The following GRAMD2B variants were observed in gnomAD, a reference collection of about 807,000 sequenced individuals.
GRAMD2B encodes GRAM domain-containing protein 2B.
Under a neutral mutation model 59.2 loss-of-function variants are expected in GRAMD2B, and 41 were observed. The ratio of observed to expected loss-of-function variants is 0.69; its 90% CI spans 0.54 to 0.90. The LOEUF (loss-of-function observed/expected upper bound fraction) is 0.90, where lower values mean the gene tolerates loss of function less well. GRAMD2B is among the 40% of genes least tolerant of loss of function. The pLI, the probability that GRAMD2B is intolerant of heterozygous loss-of-function variation, is 0.00. For synonymous variants in GRAMD2B, 161 were observed against 182.7 expected (o/e 0.88, Z 0.96); for missense variants, 424 against 500.5 (o/e 0.85, Z 1.46).
intron 1 of GRAMD2B, among the ~76,000 whole-genome samples, chr5:126,439,545 T>G (rs147763547): frequency 6.6e-6 from 1 of 152,170 alleles, no homozygotes; most frequent in African/African-American, 2.4e-5. Context: ...AGGCTGATCT[T>G]GAACTCCTGA....
chr5:126,457,706 G>T (rs1330303630), intron 1 of GRAMD2B, among the ~76,000 whole-genome samples: 2 of 152,048 alleles, frequency 1.3e-5, no homozygotes, highest in African/African-American at 4.8e-5. Context: ...GAGTCACTTG[G>T]CTAACTGGGG....
upstream of GRAMD2B, among the ~76,000 whole-genome samples, chr5:126,422,199 ATTT>A (rs11293263): frequency 2.1e-5 from 3 of 143,980 alleles, no homozygotes; most frequent in African/African-American, 2.6e-5. Flanking sequence ...TTATGCACGG[ATTT>A]TTTTTTTTTT....
chr5:126,402,824 A>G (rs539397682), intron 1 of GRAMD2B, among the ~76,000 whole-genome samples: 2 of 152,160 alleles, frequency 1.3e-5, no homozygotes, highest in South Asian at 4.1e-4. Flanking sequence ...ATCCAAAAAT[A>G]TCTCTGAACT....
chr5:126,468,494 C>G (rs1768888766), intron 2 of GRAMD2B, among the ~76,000 whole-genome samples: 1 of 151,832 alleles, frequency 6.6e-6, no homozygotes, highest in Non-Finnish European at 1.5e-5. Context: ...TTTAATTTAA[C>G]TTTATTTTTT....
At chr5:126,403,197 A>G (rs981162769) in intron 1 of GRAMD2B, among the ~76,000 whole-genome samples, 9 of 151,912 alleles carry the variant, frequency 5.9e-5, no homozygotes, top group African/African-American at 2.2e-4. Context: ...TTGGGATAAG[A>G]AGTACCTTCT....
chr5:126,375,010 T>G (rs1755057505), intron 1 of GRAMD2B, among the ~76,000 whole-genome samples: 1 of 152,208 alleles, frequency 6.6e-6, no homozygotes, highest in African/African-American at 2.4e-5. Context: ...AAATTCAACA[T>G]CTTTACGATG....
At chr5:126,412,172 A>G (rs1758864506) in intron 1 of GRAMD2B, among the ~76,000 whole-genome samples, 1 of 151,934 alleles carries the variant, frequency 6.6e-6, no homozygotes, top group Non-Finnish European at 1.5e-5. Flanking sequence ...GACACTGAGA[A>G]TCCTTGTTTG....
At chr5:126,417,674 A>G (rs1436573952) in intron 1 of GRAMD2B, among the ~76,000 whole-genome samples, 14 of 152,246 alleles carry the variant, frequency 9.2e-5, no homozygotes, top group Admixed American at 9.2e-4. Context: ...ACACCAACAG[A>G]TAACTGCAAA....
At chr5:126,420,374 G>A (rs1353158519), upstream of GRAMD2B, among the ~76,000 whole-genome samples, 3 of 152,120 alleles carry the variant, frequency 2.0e-5, no homozygotes, top group African/African-American at 7.2e-5. Flanking sequence ...TTAGGCAGTT[G>A]TTTAACAATG....
intron 8 of GRAMD2B, among the ~76,000 whole-genome samples, chr5:126,481,236 AAAGAAAG>A (rs1344756496): frequency 2.4e-5 from 2 of 82,698 alleles, no homozygotes; most frequent in Non-Finnish European, 5.8e-5. Context: ...AGAAAGAAAG[AAAGAAAG>A]AAAGAAAAGA....
chr5:126,486,807 G>A, intron 11 of GRAMD2B, 66 bp from the exon 12 acceptor site: 1 of 959,294 alleles, frequency 1.0e-6, no homozygotes, highest in Admixed American at 1.8e-5. Context: ...TTGGCACTGA[G>A]TTGTTTTATG....
intron 13 of GRAMD2B, among the ~76,000 whole-genome samples, 162 bp from the exon 14 acceptor site, chr5:126,492,753 T>C (rs916571647): frequency 6.6e-6 from 1 of 152,132 alleles, no homozygotes; most frequent in Non-Finnish European, 1.5e-5. Flanking sequence ...GTCAGAGTTC[T>C]AGTCTATGAA....
intron 4 of GRAMD2B, among the ~76,000 whole-genome samples, chr5:126,472,858 C>G (rs148149370): frequency 6.6e-6 from 1 of 152,140 alleles, no homozygotes. Flanking sequence ...GACCTTCAAA[C>G]AGGAGGTGTG....
intron 8 of GRAMD2B, among the ~76,000 whole-genome samples, chr5:126,482,301 A>G (rs773540533): frequency 2.0e-5 from 3 of 152,198 alleles, no homozygotes; most frequent in Admixed American, 6.5e-5. Context: ...TGAATTGTAT[A>G]CTTTTAAATG....
chr5:126,462,321 G>A, intron 1 of GRAMD2B: 2 of 660,828 alleles, frequency 3.0e-6, no homozygotes, highest in Non-Finnish European at 3.7e-6. Context: ...TAACTTAAAA[G>A]TTTCCAAAAG....
chr5:126,459,055 C>T (rs1766864590), intron 1 of GRAMD2B: 1 of 152,140 alleles, frequency 6.6e-6, no homozygotes, highest in African/African-American at 2.4e-5. Flanking sequence ...TTCTTTTGTA[C>T]ATATTCATTT....
chr5:126,459,085 G>A (rs1451626959), intron 1 of GRAMD2B: 1 of 152,154 alleles, frequency 6.6e-6, no homozygotes, highest in Non-Finnish European at 1.5e-5. Flanking sequence ...TAGAAAGAAA[G>A]GAGAAGCAAA....
At chr5:126,484,931 C>A (rs918035123) in intron 10 of GRAMD2B, among the ~76,000 whole-genome samples, 2 of 152,142 alleles carry the variant, frequency 1.3e-5, no homozygotes, top group African/African-American at 4.8e-5. Flanking sequence ...TATTCCCTTT[C>A]CTCCCTTTGT....
intron 1 of GRAMD2B, among the ~76,000 whole-genome samples, chr5:126,398,588 A>G (rs1213050273): frequency 1.3e-5 from 2 of 151,674 alleles, no homozygotes; most frequent in African/African-American, 2.4e-5. Flanking sequence ...TTTTTTCTCT[A>G]TTTGATTTAC....
Sources: gnomAD v4.1 joint callset for allele counts (sites outside exome capture counted in the v4.1 genomes callset) on GRCh38, gnomAD v4.1.1 for gene constraint, MANE v1.5 for transcripts, NCBI Gene and HGNC (gene_info 2026-07-23, HGNC 2026-07-21) for gene names.